Variants in HLA-DQB2 observed in about 807,000 individuals in gnomAD.
The protein encoded by HLA-DQB2 is HLA class II histocompatibility antigen, DQ beta 2 chain.
In HLA-DQB2, 24 loss-of-function variants were observed where a neutral mutation model predicts 29.2. The observed-to-expected ratio is 0.82, with a 90% CI of 0.60 to 1.16. The LOEUF (loss-of-function observed/expected upper bound fraction) is 1.16. Among genes scored for constraint, HLA-DQB2 ranks in the 50% most tolerant of loss-of-function variants. The probability of loss-of-function intolerance (pLI) is 0.00; values close to 1 mark genes in which losing one functional copy is unlikely to be tolerated. For synonymous variants in HLA-DQB2, 104 were observed against 133.1 expected, an observed-to-expected ratio of 0.78 and a Z score of 1.51; for missense variants, 273 against 343.6, an observed-to-expected ratio of 0.79 and a Z score of 1.62.
At chr6:32,761,996 C>T in intron 1 of HLA-DQB2, 70 bp from the exon 2 acceptor site, 6 of 1,549,964 alleles carry the variant, frequency 3.9e-6, no homozygotes, top group African/African-American at 1.4e-5. Context: ...CCGGACCGCA[C>T]CCTTCAGCCG....
At position 32,761,640 on chromosome 6, in the gene HLA-DQB2, G is replaced by T. The variant is rs796945490; in HGVS notation, c.364+20C>A. 6.5e-7 allele frequency: 1 copy of T among 1,538,088 alleles called. No individual in the cohort carries two copies. On this transcript the variant is annotated intron_variant, in intron 2 of 5. Transcript: ENST00000437316. ...GGCCCCGGCCAAGGGTGAGCCCCGCGGAAGGACGACGACGCTCACCTTGCC... is the reference window on the plus strand; with the variant it reads ...GGCCCCGGCCAAGGGTGAGCCCCGCTGAAGGACGACGACGCTCACCTTGCC...
At chr6:32,757,026 T>TTTC in intron 5 of HLA-DQB2, 5 of 808,834 alleles carry the variant, frequency 6.2e-6, no homozygotes, top group Admixed American at 8.1e-5. Context: ...CATGCTCTTC[T>TTTC]TTTTTTTTTT....
At chr6:32,761,947 T>C in intron 1 of HLA-DQB2, 21 bp from the exon 2 acceptor site, 1 of 1,578,300 alleles carries the variant, frequency 6.3e-7, no homozygotes, top group Non-Finnish European at 8.6e-7. Context: ...TCACGGCGGG[T>C]CAGTCAGGCC....
At chr6:32,762,829 G>C (rs1370357350) in intron 1 of HLA-DQB2, among the ~76,000 whole-genome samples, 1 of 152,050 alleles carries the variant, frequency 6.6e-6, no homozygotes, top group Non-Finnish European at 1.5e-5. Context: ...TCAGGTCCCT[G>C]AATCCCACTC....
intron 2 of HLA-DQB2, among the ~76,000 whole-genome samples, chr6:32,759,771 T>C (rs1322325381): frequency 1.3e-5 from 2 of 152,264 alleles, no homozygotes; most frequent in African/African-American, 4.8e-5. Context: ...CATTATCATG[T>C]ACGTTCTCCA....
Position 32,758,871 on chromosome 6 carries a change from T to C in HLA-DQB2, c.625A>G (p.Ser209Gly), listed in dbSNP as rs1764507413. The C allele has an allele frequency of 6.2e-7, 1 of 1,613,922 alleles. No homozygotes were observed. Among genetic ancestry groups the C allele is most frequent in the African/African-American group, 1.3e-5 (1 of 75,046 alleles). Residue 209 changes from serine (S) to glycine (G), a missense_variant, in exon 3 of 6, where the codon AGC becomes GGC. Coordinates refer to ENST00000437316, the MANE Select transcript of HLA-DQB2 (RefSeq NM_001300790.2). The stretch of plus-strand genomic sequence containing the variant: ...TTACGCCACTCCACGGTGATGGGGC[T>C]CTGGAGGCTGGGGTGCTCCACTTGG... ...TCQVEHPSLQ[S>G]PITVEWRAQS... is the part of the protein sequence containing the mutation.
chr6:32,761,955 G>T, intron 1 of HLA-DQB2, 29 bp from the exon 2 acceptor site: 1 of 1,582,448 alleles, frequency 6.3e-7, no homozygotes, highest in Non-Finnish European at 8.6e-7. Context: ...GGTCAGTCAG[G>T]CCCCAGCACG....
chr6:32,761,016 C>A (rs865887707), intron 2 of HLA-DQB2, among the ~76,000 whole-genome samples: 368 of 149,182 alleles, frequency 2.5e-3, no homozygotes, highest in African/African-American at 8.2e-3. Context: ...TGCCGGTCCA[C>A]GAGTCAGGTA....
At chr6:32,761,948 C>T (rs958213736) in intron 1 of HLA-DQB2, 22 bp from the exon 2 acceptor site, 6 of 1,582,794 alleles carry the variant, frequency 3.8e-6, no homozygotes, top group African/African-American at 1.4e-5. Flanking sequence ...CACGGCGGGT[C>T]AGTCAGGCCC....
chr6:32,761,982 C>G, intron 1 of HLA-DQB2, 56 bp from the exon 2 acceptor site: 1 of 1,564,850 alleles, frequency 6.4e-7, no homozygotes, highest in Non-Finnish European at 8.6e-7. Flanking sequence ...GCCCCAGCCC[C>G]CAGCCGGACC....
chr6:32,761,287 A>AGGG (rs1255983716), intron 2 of HLA-DQB2, among the ~76,000 whole-genome samples: 1 of 85,184 alleles, frequency 1.2e-5, no homozygotes, highest in Non-Finnish European at 2.3e-5. Flanking sequence ...GCGGACGGGC[A>AGGG]GGGGAAGAGG....
Position 32,761,940 on chromosome 6 carries a change from C to A in HLA-DQB2, c.98-14G>T, listed in dbSNP as rs767637188. The A allele has an allele frequency of 6.3e-7, 1 of 1,596,660 alleles. No individual in the cohort carries two copies. The highest frequency in any genetic ancestry group is 8.5e-7 in the Non-Finnish European group (1 of 1,172,400). On this transcript the variant is annotated splice_polypyrimidine_tract_variant and intron_variant, in intron 1 of 5. Transcript: ENST00000437316. Reference sequence around the variant, plus strand: ...CCAAGAAATCCTCTGCGGAGAATCACGGCGGGTCAGTCAGGCCCCAGCACG... The same window carrying A: ...CCAAGAAATCCTCTGCGGAGAATCAAGGCGGGTCAGTCAGGCCCCAGCACG...
chr6:32,762,682 C>T (rs59796317), intron 1 of HLA-DQB2, among the ~76,000 whole-genome samples: 1 of 152,320 alleles, frequency 6.6e-6, no homozygotes, highest in East Asian at 1.9e-4. Flanking sequence ...GATACCTACA[C>T]ATAGGATGTT....
Position 32,756,437 on chromosome 6 carries a change from C to G in HLA-DQB2, c.*16G>C, listed in dbSNP as rs750351833. On this transcript the variant is annotated 3_prime_UTR_variant, in exon 6 of 6. Transcript: ENST00000437316. The stretch of plus-strand genomic sequence containing the variant: ...CAGAAGAGTGATGACCAATCCCAGA[C>G]AAAAGTCCTCAGGAGTCAGTGCAGG... The G allele has an allele frequency of 1.0e-5, 15 of 1,479,204 alleles. No homozygotes were observed. Among genetic ancestry groups the G allele is most frequent in the African/African-American group, 1.4e-5 (1 of 71,580 alleles). The allele number at this position is 1,479,204 out of a possible 1,614,324, so 91.6% of individuals were successfully genotyped here.
At chr6:32,762,936 A>G (rs1465697564) in intron 1 of HLA-DQB2, among the ~76,000 whole-genome samples, 1 of 152,112 alleles carries the variant, frequency 6.6e-6, no homozygotes, top group African/African-American at 2.4e-5. Flanking sequence ...GTTTGCCTCC[A>G]CAAACTCTCC....
chr6:32,759,237 C>CT lies in HLA-DQB2; in HGVS notation c.365-107dup, dbSNP rs1562222074. On this transcript the variant is annotated intron_variant, in intron 2 of 5. Transcript: ENST00000437316. ...CCTTGGAACCAGAATAGAAAGATAC[C>CT]TGGAGTCCAAGTCTTGGATTAAGGT... 1.0e-5 allele frequency: 14 copies of CT among 1,357,000 alleles called. No individual in the cohort carries two copies. The South Asian group carries it at 1.9e-4, about 19-fold the overall frequency. The allele number at this position is 1,357,000 out of a possible 1,614,324, so 84.1% of individuals were successfully genotyped here. A position where few individuals can be genotyped will look rare whatever the true frequency, so the allele number is the denominator to read the frequency against.
chr6:32,756,432 C>G lies in HLA-DQB2; in HGVS notation c.*21G>C. The stretch of plus-strand genomic sequence containing the variant: ...CATTACAGAAGAGTGATGACCAATC[C>G]CAGACAAAAGTCCTCAGGAGTCAGT... On this transcript the variant is annotated 3_prime_UTR_variant, in exon 6 of 6. Transcript: ENST00000437316. The G allele has an allele frequency of 7.0e-7, 1 of 1,426,524 alleles. No homozygotes were observed. Among genetic ancestry groups the G allele is most frequent in the East Asian group, 2.3e-5 (1 of 42,796 alleles). The allele number at this position is 1,426,524 out of a possible 1,614,324, so 88.4% of individuals were successfully genotyped here. A position where few individuals can be genotyped will look rare whatever the true frequency, so the allele number is the denominator to read the frequency against.
Position 32,756,185 on chromosome 6 carries a change from G to C in HLA-DQB2, c.*268C>G, listed in dbSNP as rs1288856070. 2 of 507,160 alleles carry C rather than the reference G, an allele frequency of 3.9e-6. No individual in the cohort carries two copies. The highest frequency in any genetic ancestry group is 7.0e-6 in the Non-Finnish European group (2 of 286,780). 31.4% of individuals were successfully genotyped at this position (507,160 alleles called of 1,614,324 possible). ...TCATGCTTCTCTTGACAGGTCTGTG[G>C]GGGGAGAATGGAAACAGAGATGCCC... is the stretch of plus-strand genomic sequence containing the variant. On this transcript the variant is annotated 3_prime_UTR_variant, in exon 6 of 6. Coordinates refer to ENST00000437316, the MANE Select transcript of HLA-DQB2 (RefSeq NM_001300790.2).
chr6:32,760,128 A>C (rs1023449), intron 2 of HLA-DQB2, among the ~76,000 whole-genome samples: 96,131 of 148,756 alleles, frequency 0.65, 30,940 homozygotes, highest in East Asian at 0.82. Flanking sequence ...AATATAAATA[A>C]TTGACAGCAT....
Sources: allele counts gnomAD v4.1 joint callset (sites outside exome capture counted in the v4.1 genomes callset), GRCh38; gene constraint gnomAD v4.1.1; transcripts MANE v1.5; gene names NCBI Gene and HGNC (gene_info 2026-07-23, HGNC 2026-07-21).